FRY: variants seen among roughly 807,000 people sequenced by gnomAD.
FRY encodes the protein protein furry homolog.
In FRY, 128 loss-of-function variants were observed where a neutral mutation model predicts 348.4. The ratio of observed to expected loss-of-function variants is 0.37; its 90% CI spans 0.32 to 0.43. FRY has a LOEUF of 0.43. Among genes scored for constraint, FRY ranks in the 20% least tolerant of loss-of-function variants. The pLI is 1.00. For missense variants in FRY, 2,736 were observed against 3,695.2 expected (o/e 0.74, Z 6.73); for synonymous variants, 1,370 against 1,374.7 (o/e 1.00, Z 0.08).
At chr13:32,281,589 C>T (rs531546326) in intron 58 of FRY, among the ~76,000 whole-genome samples, 2 of 152,236 alleles carry the variant, frequency 1.3e-5, no homozygotes, top group South Asian at 4.1e-4. Flanking sequence ...AAGCTTTGGC[C>T]CCATTGTCAG....
chr13:32,036,589 C>T (rs1469045043), intron 1 of FRY, among the ~76,000 whole-genome samples: 1 of 151,898 alleles, frequency 6.6e-6, no homozygotes, highest in Non-Finnish European at 1.5e-5. Flanking sequence ...ATTGTTTTTC[C>T]CAACTGTGAC....
Position 32,124,962 on chromosome 13 carries a change from C to T in FRY, c.716+87C>T. Reference sequence around the variant, plus strand: ...CTAATTTAGGGAAGTTGGGGTTGAGCTTACAAGGAACTAGGTAGGGCTCTT... The same window carrying T: ...CTAATTTAGGGAAGTTGGGGTTGAGTTTACAAGGAACTAGGTAGGGCTCTT... On this transcript the variant is annotated intron_variant, in intron 7 of 60. Coordinates refer to ENST00000542859, the MANE Select transcript of FRY (RefSeq NM_023037.3). The T allele has an allele frequency of 4.2e-6, 4 of 962,262 alleles. No individual in the cohort carries two copies. The South Asian group carries it at 5.2e-5, about 12-fold the overall frequency. 59.6% of individuals were successfully genotyped at this position (962,262 alleles called of 1,614,324 possible). A position where few individuals can be genotyped will look rare whatever the true frequency, so the allele number is the denominator to read the frequency against.
chr13:32,184,611 C>T lies in FRY; in HGVS notation c.3066C>T (p.Arg1022=). The change falls in exon 25 of 61, where the codon CGC becomes CGT. Residue 1022 remains arginine, a synonymous_variant. Transcript: ENST00000542859. ...ALERRPENKK[R]RERRDLLRLQ... ...CTCTTTCTACACAGAACAAGAAACG[C>T]CGAGAACGGCGAGACTTGTTAAGGC... The T allele has an allele frequency of 6.2e-7, 1 of 1,611,988 alleles. No homozygotes were observed. The highest frequency in any genetic ancestry group is 8.5e-7 in the Non-Finnish European group (1 of 1,178,028).
chr13:32,182,954 A>G lies in FRY; in HGVS notation c.2997-23A>G, dbSNP rs765650800. 7.8e-6 allele frequency: 12 copies of G among 1,534,290 alleles called. 1 individual carries two copies. In the Admixed American group the frequency reaches 1.7e-4, roughly 21 times the overall value. On this transcript the variant is annotated intron_variant, in intron 23 of 60. Transcript: ENST00000542859. ...TTGGTGTCAAAAACAATGAATTTCA[A>G]ATTTGACCTTTTTCCTCCACAGAGA...
intron 16 of FRY, among the ~76,000 whole-genome samples, chr13:32,160,409 A>C (rs1367232436): frequency 2.6e-5 from 4 of 152,230 alleles, no homozygotes; most frequent in African/African-American, 9.6e-5. Context: ...ATAAGTGGTT[A>C]AAAATCTAAC....
At chr13:32,142,421 G>A (rs1197926150) in intron 11 of FRY, among the ~76,000 whole-genome samples, 1 of 152,198 alleles carries the variant, frequency 6.6e-6, no homozygotes, top group African/African-American at 2.4e-5. Flanking sequence ...GCCCTGGCAA[G>A]CACCATGTAA....
chr13:32,185,027 A>G lies in FRY; in HGVS notation c.3198A>G (p.Leu1066=). ...RDTLALGALF[L]EYVDLTRMLL... The stretch of plus-strand genomic sequence containing the variant: ...CTTTAGCCCTGGGAGCTTTGTTCTT[A>G]GAATATGTGGACTTGACCCGCATGC... The change falls in exon 26 of 61, where the codon TTA becomes TTG. Residue 1066 remains leucine, a synonymous_variant. Coordinates refer to ENST00000542859, the MANE Select transcript of FRY (RefSeq NM_023037.3). 1.2e-6 allele frequency: 2 copies of G among 1,613,918 alleles called. No homozygotes were observed. The highest frequency in any genetic ancestry group is 1.7e-6 in the Non-Finnish European group (2 of 1,179,798).
At chr13:32,231,106 C>T (rs1885886567) in intron 40 of FRY, 73 bp from the exon 41 acceptor site, 1 of 1,317,338 alleles carries the variant, frequency 7.6e-7, no homozygotes, top group African/African-American at 1.5e-5. Flanking sequence ...TGTTTGGAGT[C>T]AGGACTGTAT....
At chr13:32,121,564 G>T (rs762219251) in intron 4 of FRY, among the ~76,000 whole-genome samples, 5 of 152,056 alleles carry the variant, frequency 3.3e-5, no homozygotes, top group Non-Finnish European at 5.9e-5. Flanking sequence ...ATGTTTGTTG[G>T]CCATTTGTAT....
intron 39 of FRY, among the ~76,000 whole-genome samples, chr13:32,227,169 A>G (rs1181102690): frequency 6.6e-6 from 1 of 152,248 alleles, no homozygotes; most frequent in Non-Finnish European, 1.5e-5. Context: ...CAAGACAAAC[A>G]GTAGATAGCT....
At chr13:32,077,860 A>G (rs1026612137) in intron 1 of FRY, among the ~76,000 whole-genome samples, 2 of 152,138 alleles carry the variant, frequency 1.3e-5, no homozygotes, top group Non-Finnish European at 2.9e-5. Flanking sequence ...CAGTTACCCA[A>G]AGCTAAATAC....
At chr13:32,037,989 C>G (rs1222694053) in intron 1 of FRY, among the ~76,000 whole-genome samples, 1 of 152,178 alleles carries the variant, frequency 6.6e-6, no homozygotes, top group Non-Finnish European at 1.5e-5. Flanking sequence ...TATGCAGGTT[C>G]TGTTACTGGT....
chr13:32,160,496 A>G (rs1445529691), intron 16 of FRY, among the ~76,000 whole-genome samples: 4 of 152,234 alleles, frequency 2.6e-5, no homozygotes, highest in Non-Finnish European at 1.5e-5. Flanking sequence ...AACAGAATGC[A>G]GAAGGCATTA....
At chr13:32,268,561 T>A (rs1188540169) in intron 55 of FRY, among the ~76,000 whole-genome samples, 1 of 144,190 alleles carries the variant, frequency 6.9e-6, no homozygotes, top group South Asian at 2.2e-4. Context: ...TTCCTTTTTT[T>A]AAAATGCCTA....
At chr13:32,212,206 T>A (rs905213113) in intron 34 of FRY, 86 bp from the exon 35 acceptor site, 4 of 763,576 alleles carry the variant, frequency 5.2e-6, no homozygotes, top group Middle Eastern at 2.3e-4. Flanking sequence ...TTACAGGAAA[T>A]CTTTCCCTGG....
chr13:32,042,648 C>T (rs1455498330), intron 1 of FRY, among the ~76,000 whole-genome samples: 1 of 152,122 alleles, frequency 6.6e-6, no homozygotes, highest in Non-Finnish European at 1.5e-5. Flanking sequence ...AATATCTTTG[C>T]TTCACTTAAG....
intron 58 of FRY, among the ~76,000 whole-genome samples, chr13:32,279,414 C>A (rs1888707886): frequency 6.6e-6 from 1 of 152,226 alleles, no homozygotes; most frequent in Non-Finnish European, 1.5e-5. Context: ...ACCGAAAGCC[C>A]TGTGGAGAAA....
intron 48 of FRY, 91 bp from the exon 49 acceptor site, chr13:32,249,435 A>G: frequency 7.4e-7 from 1 of 1,358,262 alleles, no homozygotes. Context: ...TTTTAATCAA[A>G]TAAGCAGCTC....
intron 17 of FRY, among the ~76,000 whole-genome samples, chr13:32,168,457 G>A (rs1234731871): frequency 6.6e-6 from 1 of 152,148 alleles, no homozygotes; most frequent in African/African-American, 2.4e-5. Flanking sequence ...GGGCACTGAG[G>A]CCCAGCCAAG....
Sources: allele counts gnomAD v4.1 joint callset (sites outside exome capture counted in the v4.1 genomes callset), GRCh38; gene constraint gnomAD v4.1.1; transcripts MANE v1.5; gene names NCBI Gene and HGNC (gene_info 2026-07-23, HGNC 2026-07-21).